Variants in FAM117B observed in about 807,000 individuals in gnomAD.
FAM117B encodes protein FAM117B.
Under a neutral mutation model 52.8 loss-of-function variants are expected in FAM117B, and 22 were observed. The observed-to-expected ratio is 0.42, with a 90% CI of 0.30 to 0.59. The LOEUF (loss-of-function observed/expected upper bound fraction) is 0.59. FAM117B is among the 20% of genes least tolerant of loss of function. FAM117B has a pLI of 0.22. For missense variants in FAM117B, 678 were observed against 802.6 expected, an observed-to-expected ratio of 0.84 and a Z score of 1.88; for synonymous variants, 309 against 324.1, an observed-to-expected ratio of 0.95 and a Z score of 0.50.
chr2:202,722,262 G>A (rs1270828269), intron 2 of FAM117B, among the ~76,000 whole-genome samples: 2 of 151,754 alleles, frequency 1.3e-5, no homozygotes, highest in African/African-American at 2.4e-5. Flanking sequence ...CACCCGCCTC[G>A]GCCTCCTGGG....
At chr2:202,675,445 C>CA (rs386392341) in intron 1 of FAM117B, among the ~76,000 whole-genome samples, 1,756 of 67,710 alleles carry the variant, frequency 0.026, 131 homozygotes, top group African/African-American at 0.084. Context: ...GACCTTATCT[C>CA]AAAAAAAAAA....
At chr2:202,731,592 G>A (rs933444992) in intron 4 of FAM117B, among the ~76,000 whole-genome samples, 2 of 149,194 alleles carry the variant, frequency 1.3e-5, no homozygotes, top group South Asian at 2.1e-4. Context: ...CACCATGCCC[G>A]GCTAATTTTT....
chr2:202,720,215 A>G (rs1370331404), intron 2 of FAM117B, among the ~76,000 whole-genome samples: 2 of 152,200 alleles, frequency 1.3e-5, no homozygotes, highest in African/African-American at 2.4e-5. Flanking sequence ...TTGTTGGTCT[A>G]ATACTTTCTA....
At chr2:202,659,571 A>T (rs953702232) in intron 1 of FAM117B, among the ~76,000 whole-genome samples, 19 of 141,038 alleles carry the variant, frequency 1.3e-4, no homozygotes, top group Non-Finnish European at 2.7e-4. Context: ...TTGGTCTCCC[A>T]TAGTGCTGAG....
In FAM117B at chr2:202,695,890, C is replaced by T. The variant is rs532739628; in HGVS notation, c.611C>T (p.Thr204Ile). ...SAPVCKAGDK[T>I]RQPSSSPSSI... ...TTTGTCTTAAATCTAGGTGACAAAA[C>T]ACGACAGCCTTCTTCAAGCCCCTCC... is the stretch of plus-strand genomic sequence containing the variant. Residue 204 changes from threonine to isoleucine, a missense_variant, in exon 2 of 8, where the codon ACA (threonine) becomes ATA (isoleucine). Thr to Ile is a moderately conservative substitution (Grantham distance 89). Coordinates refer to ENST00000392238, the MANE Select transcript of FAM117B (RefSeq NM_173511.4). The T allele has an allele frequency of 3.8e-6, 6 of 1,594,206 alleles. No homozygotes were observed. In the South Asian group the frequency reaches 6.8e-5, roughly 18 times the overall value.
chr2:202,749,873 A>G (rs1691696467), intron 4 of FAM117B, among the ~76,000 whole-genome samples: 1 of 152,218 alleles, frequency 6.6e-6, no homozygotes, highest in Non-Finnish European at 1.5e-5. Context: ...GGATCACTAT[A>G]TCTCTGGCTT....
At chr2:202,708,903 G>A (rs1284977441) in intron 2 of FAM117B, among the ~76,000 whole-genome samples, 2 of 152,114 alleles carry the variant, frequency 1.3e-5, no homozygotes, top group Non-Finnish European at 2.9e-5. Flanking sequence ...ACTAGGCCCA[G>A]CCAATTTTTA....
At chr2:202,755,425 G>C in intron 4 of FAM117B, 113 bp from the exon 5 acceptor site, 2 of 1,311,246 alleles carry the variant, frequency 1.5e-6, no homozygotes, top group Admixed American at 4.3e-5. Flanking sequence ...CTTTTTGTGA[G>C]GCCTGTAAAC....
At chr2:202,655,707 T>TGAGAGACA (rs1398513491) in intron 1 of FAM117B, among the ~76,000 whole-genome samples, 2,049 of 98,698 alleles carry the variant, frequency 0.021, 129 homozygotes, top group Middle Eastern at 0.039. Context: ...GGGAAGAGAG[T>TGAGAGACA]GAGAGAGAGA....
chr2:202,665,546 G>A (rs988243168), intron 1 of FAM117B, among the ~76,000 whole-genome samples: 2 of 152,136 alleles, frequency 1.3e-5, no homozygotes, highest in Non-Finnish European at 1.5e-5. Flanking sequence ...TGATGTAATC[G>A]TGGATGTGAT....
chr2:202,670,288 C>CTTTTTTTTTTTTTTT (rs547597583), intron 1 of FAM117B, among the ~76,000 whole-genome samples: 2 of 142,910 alleles, frequency 1.4e-5, no homozygotes, highest in African/African-American at 5.6e-5. Flanking sequence ...TCTTTTCTTT[C>CTTTTTTTTTTTTTTT]TTTTTTTTTT....
chr2:202,702,775 G>A (rs944102164), intron 2 of FAM117B, among the ~76,000 whole-genome samples: 28 of 152,172 alleles, frequency 1.8e-4, no homozygotes, highest in African/African-American at 6.3e-4. Context: ...GGATGGTCTC[G>A]ATCTCCTGAC....
At chr2:202,755,974 A>G (rs1410369150) in intron 5 of FAM117B, among the ~76,000 whole-genome samples, 1 of 152,214 alleles carries the variant, frequency 6.6e-6, no homozygotes, top group Non-Finnish European at 1.5e-5. Context: ...AACTCCAGTT[A>G]ACAAAAGTTT....
intron 1 of FAM117B, among the ~76,000 whole-genome samples, chr2:202,689,231 A>C (rs1213856721): frequency 6.6e-6 from 1 of 152,118 alleles, no homozygotes; most frequent in African/African-American, 2.4e-5. Flanking sequence ...GCTTGAGCTC[A>C]GGAGTTGGAG....
chr2:202,765,428 T>C lies in FAM117B; in HGVS notation c.1452-18T>C, dbSNP rs931515457. 1.9e-6 allele frequency: 3 copies of C among 1,608,540 alleles called. No individual in the cohort carries two copies. In the Admixed American group the frequency reaches 5.0e-5, roughly 27 times the overall value. On this transcript the variant is annotated intron_variant, in intron 7 of 7. Coordinates refer to ENST00000392238, the MANE Select transcript of FAM117B (RefSeq NM_173511.4). Reference sequence around the variant, plus strand: ...GTTCAGTGACTTAAAAGCATTGGGTTGTCTGTTCTATGTCTAGGCCAAAAC... The same window carrying C: ...GTTCAGTGACTTAAAAGCATTGGGTCGTCTGTTCTATGTCTAGGCCAAAAC...
intron 2 of FAM117B, among the ~76,000 whole-genome samples, chr2:202,724,051 C>CTT (rs34063266): frequency 0.077 from 6,896 of 89,742 alleles, 683 homozygotes; most frequent in African/African-American, 0.11. Context: ...TAAGGTTTAA[C>CTT]TTTTTTTTTT....
chr2:202,670,484 A>T (rs564443552), intron 1 of FAM117B, among the ~76,000 whole-genome samples: 2 of 151,986 alleles, frequency 1.3e-5, no homozygotes, highest in African/African-American at 4.8e-5. Context: ...ACGGGGTTTC[A>T]TGAAACACGT....
At position 202,765,533 on chromosome 2, in the gene FAM117B, C is replaced by T; in HGVS notation, c.1539C>T (p.Cys513=). 6.2e-7 allele frequency: 1 copy of T among 1,614,102 alleles called. No homozygotes were observed. Among genetic ancestry groups the T allele is most frequent in the South Asian group, 1.1e-5 (1 of 91,082 alleles). The change falls in exon 8 of 8, where the codon TGC becomes TGT. Residue 513 remains cysteine, a synonymous_variant. Transcript: ENST00000392238. ...NFIPKSGSAF[C]LVSILKPLLP... The stretch of plus-strand genomic sequence containing the variant: ...TTCCTAAAAGTGGATCTGCTTTCTG[C>T]CTCGTCAGCATCCTCAAGCCACTCC...
At chr2:202,695,000 C>T (rs765234098) in intron 1 of FAM117B, among the ~76,000 whole-genome samples, 1 of 151,982 alleles carries the variant, frequency 6.6e-6, no homozygotes, top group Non-Finnish European at 1.5e-5. Context: ...TTCATTATGT[C>T]CTCCCATTTC....
Sources: allele counts gnomAD v4.1 joint callset (sites outside exome capture counted in the v4.1 genomes callset), GRCh38; gene constraint gnomAD v4.1.1; transcripts MANE v1.5; gene names NCBI Gene and HGNC (gene_info 2026-07-23, HGNC 2026-07-21).